Variants in CHN1 observed in about 807,000 individuals in gnomAD.
CHN1 encodes the protein N-chimaerin.
A neutral mutation model predicts 59.5 loss-of-function variants in CHN1; 37 were observed. The observed-to-expected ratio is 0.62, with a 90% CI of 0.48 to 0.82. CHN1 has a LOEUF of 0.82. Among genes scored for constraint, CHN1 ranks in the 40% least tolerant of loss-of-function variants. The probability of loss-of-function intolerance (pLI) is 0.00; values close to 1 mark genes in which losing one functional copy is unlikely to be tolerated. For synonymous variants in CHN1, 206 were observed against 200.4 expected (o/e 1.03, Z -0.24); for missense variants, 469 against 571.0 (o/e 0.82, Z 1.82).
intron 1 of CHN1, 58 bp from the exon 2 acceptor site, chr2:174,952,260 T>C: frequency 1.9e-6 from 2 of 1,031,582 alleles, no homozygotes; most frequent in South Asian, 3.7e-5. Flanking sequence ...AATGAGACAT[T>C]TTAATCATTA....
At chr2:174,986,044 T>C (rs1291011258) in intron 1 of CHN1, among the ~76,000 whole-genome samples, 2 of 152,202 alleles carry the variant, frequency 1.3e-5, no homozygotes, top group Non-Finnish European at 2.9e-5. Flanking sequence ...TCCATAACTA[T>C]AATAAACTGC....
intron 5 of CHN1, among the ~76,000 whole-genome samples, chr2:174,884,381 GGA>G (rs1235527207): frequency 3.9e-5 from 6 of 152,024 alleles, no homozygotes; most frequent in Non-Finnish European, 8.8e-5. Flanking sequence ...TTTACACAAT[GGA>G]TGAAAACAGA....
At chr2:174,869,262 T>C (rs1687326314) in intron 6 of CHN1, among the ~76,000 whole-genome samples, 2 of 152,222 alleles carry the variant, frequency 1.3e-5, no homozygotes, top group Non-Finnish European at 2.9e-5. Context: ...TTGTAATCAC[T>C]ACTATACACC....
At chr2:174,892,887 A>G (rs1265250121) in intron 5 of CHN1, among the ~76,000 whole-genome samples, 2 of 152,244 alleles carry the variant, frequency 1.3e-5, no homozygotes, top group Non-Finnish European at 2.9e-5. Flanking sequence ...TGATGCAGGA[A>G]AAGTATCTAA....
chr2:174,989,804 G>A (rs1295368971), intron 1 of CHN1, among the ~76,000 whole-genome samples: 1 of 151,118 alleles, frequency 6.6e-6, no homozygotes, highest in Non-Finnish European at 1.5e-5. Context: ...AAAAAAAAAA[G>A]TTGCATGTTT....
In CHN1 at chr2:174,812,400, C is replaced by T. The variant is rs1685107078; in HGVS notation, c.795G>A (p.Val265=). 1 of 1,614,016 alleles carries T rather than the reference C, an allele frequency of 6.2e-7. No individual in the cohort carries two copies. The highest frequency in any genetic ancestry group is 8.5e-7 in the Non-Finnish European group (1 of 1,179,892). ...CGAGCGTCGTAAGGTCACAGCTGTACACCTTTTTGACATGCTTCAAGTCTG... is the reference window on the plus strand; with the variant it reads ...CGAGCGTCGTAAGGTCACAGCTGTATACCTTTTTGACATGCTTCAAGTCTG... ...CKPDLKHVKK[V]YSCDLTTLVK... Residue 265 remains valine (V), a synonymous_variant, in exon 9 of 13, where the codon GTG becomes GTA. Coordinates refer to ENST00000409900, the MANE Select transcript of CHN1 (RefSeq NM_001822.7).
chr2:174,821,077 A>G (rs1685477564), intron 8 of CHN1, among the ~76,000 whole-genome samples: 1 of 152,212 alleles, frequency 6.6e-6, no homozygotes, highest in African/African-American at 2.4e-5. Context: ...ATTAGTTTAC[A>G]ATTGCTGCTA....
chr2:174,881,694 G>C (rs541760577), intron 5 of CHN1, among the ~76,000 whole-genome samples: 1 of 152,212 alleles, frequency 6.6e-6, no homozygotes, highest in Non-Finnish European at 1.5e-5. Flanking sequence ...AACACTGGCT[G>C]TACAGGAACA....
chr2:174,923,051 C>T (rs1574169158), intron 3 of CHN1, among the ~76,000 whole-genome samples: 1 of 152,264 alleles, frequency 6.6e-6, no homozygotes, highest in East Asian at 1.9e-4. Context: ...ATAAAAGGAA[C>T]TTCAATCTTG....
intron 3 of CHN1, among the ~76,000 whole-genome samples, chr2:174,929,557 GAC>G (rs1326364986): frequency 1.3e-5 from 2 of 151,384 alleles, no homozygotes; most frequent in Non-Finnish European, 2.9e-5. Flanking sequence ...CAGCCTGGGT[GAC>G]AGAGTGAGAC....
At chr2:174,970,366 T>C (rs1300747309) in intron 1 of CHN1, among the ~76,000 whole-genome samples, 1 of 152,198 alleles carries the variant, frequency 6.6e-6, no homozygotes, top group East Asian at 1.9e-4. Context: ...AACAGGTATT[T>C]ACTCCAGAAT....
intron 3 of CHN1, among the ~76,000 whole-genome samples, chr2:174,942,281 G>C (rs1000050029): frequency 1.3e-5 from 2 of 152,012 alleles, no homozygotes; most frequent in Non-Finnish European, 2.9e-5. Context: ...ACAGACAAAT[G>C]GATAAAGAAA....
intron 3 of CHN1, among the ~76,000 whole-genome samples, chr2:174,934,810 A>C (rs1170096720): frequency 1.3e-5 from 2 of 152,178 alleles, no homozygotes; most frequent in African/African-American, 4.8e-5. Context: ...GCAACCCATG[A>C]CCATCTTGTC....
intron 6 of CHN1, among the ~76,000 whole-genome samples, chr2:174,860,108 C>T (rs975008463): frequency 6.6e-6 from 1 of 152,076 alleles, no homozygotes; most frequent in Non-Finnish European, 1.5e-5. Context: ...GTTAATTTTG[C>T]ACTGGCTTTT....
intron 3 of CHN1, among the ~76,000 whole-genome samples, chr2:174,943,718 T>C (rs1689741854): frequency 6.6e-6 from 1 of 152,180 alleles, no homozygotes; most frequent in Admixed American, 6.5e-5. Flanking sequence ...AATAAGGTGC[T>C]CTTCATCCAC....
chr2:174,985,813 A>C (rs967646188), intron 1 of CHN1, among the ~76,000 whole-genome samples: 2 of 152,214 alleles, frequency 1.3e-5, no homozygotes, highest in African/African-American at 4.8e-5. Flanking sequence ...ATAAATATTT[A>C]GATGTTCCTT....
chr2:174,816,228 G>A (rs1416932529), intron 8 of CHN1, among the ~76,000 whole-genome samples: 7 of 152,216 alleles, frequency 4.6e-5, no homozygotes, highest in Admixed American at 2.0e-4. Context: ...ATAGGGTGGA[G>A]AAGAAAGTCA....
intron 12 of CHN1, among the ~76,000 whole-genome samples, chr2:174,800,732 G>A (rs559705748): frequency 1.8e-5 from 2 of 112,250 alleles, no homozygotes; most frequent in East Asian, 2.1e-4. Context: ...AGCAGCGACA[G>A]TAATAAGCAA....
chr2:174,945,243 T>C, intron 2 of CHN1: 1 of 457,758 alleles, frequency 2.2e-6, no homozygotes, highest in Non-Finnish European at 4.4e-6. Flanking sequence ...CAGTTCTTTG[T>C]GGGGATATTA....
Sources: allele counts gnomAD v4.1 joint callset (sites outside exome capture counted in the v4.1 genomes callset), GRCh38; gene constraint gnomAD v4.1.1; transcripts MANE v1.5; gene names NCBI Gene and HGNC (gene_info 2026-07-23, HGNC 2026-07-21).